Variants in CHLSN observed in about 807,000 individuals in gnomAD.
The protein encoded by CHLSN is cholesin, also known as protein cholesin.
the CHLSN span, among the ~76,000 whole-genome samples, chr7:1,100,496 C>A: frequency 6.6e-6 from 1 of 152,340 alleles, no homozygotes; most frequent in East Asian, 1.9e-4. Context: ...TCTGTCTGAG[C>A]CTGGGGAGGA....
At chr7:1,113,844 C>T in the CHLSN span, among the ~76,000 whole-genome samples, 1 of 152,168 alleles carries the variant, frequency 6.6e-6, no homozygotes, top group Admixed American at 6.5e-5. Context: ...CTTCGAGGGG[C>T]AAAGGGGCTC....
chr7:1,005,443 G>A, the CHLSN span, among the ~76,000 whole-genome samples: 2 of 152,234 alleles, frequency 1.3e-5, no homozygotes, highest in Non-Finnish European at 2.9e-5. Context: ...ACTGCCAGCC[G>A]CGGTGAGCTG....
chr7:985,384 G>A, the CHLSN span: 1 of 1,517,238 alleles, frequency 6.6e-7, no homozygotes, highest in African/African-American at 1.4e-5. Flanking sequence ...GCGTGCAGCA[G>A]GAGGACGGGG....
chr7:984,856 C>A, the CHLSN span: 1 of 1,471,726 alleles, frequency 6.8e-7, no homozygotes, highest in South Asian at 1.3e-5. Context: ...GCCAGTCTCG[C>A]TGCCCTGTCA....
the CHLSN span, chr7:985,309 T>A: frequency 6.4e-7 from 1 of 1,550,640 alleles, no homozygotes; most frequent in Non-Finnish European, 8.7e-7. Context: ...CCTCTTGGGG[T>A]CCCCTGGCCT....
At chr7:1,017,768 T>C in the CHLSN span, among the ~76,000 whole-genome samples, 1 of 152,072 alleles carries the variant, frequency 6.6e-6, no homozygotes, top group Non-Finnish European at 1.5e-5. Context: ...AAGGGGCAGC[T>C]GCGGACGGCA....
At chr7:1,124,559 C>T in the CHLSN span, among the ~76,000 whole-genome samples, 1 of 50,904 alleles carries the variant, frequency 2.0e-5, no homozygotes, top group Non-Finnish European at 3.2e-5. Flanking sequence ...AAGAGGCAGT[C>T]GGGGGGTGGG....
chr7:1,088,687 C>T, the CHLSN span, among the ~76,000 whole-genome samples: 9 of 152,154 alleles, frequency 5.9e-5, no homozygotes, highest in African/African-American at 2.2e-4. This position sits in a 1 kb window ranked among gnomAD's most constrained non-coding sequence, Gnocchi z 4.5. Context: ...ACCCTGAAGC[C>T]CTGGGAGGGC....
the CHLSN span, among the ~76,000 whole-genome samples, chr7:998,457 CTTTTT>C: frequency 3.2e-5 from 3 of 95,024 alleles, no homozygotes; most frequent in African/African-American, 3.9e-5. Context: ...GTCTTAGATT[CTTTTT>C]TTTTTTTTTT....
the CHLSN span, chr7:1,109,409 G>A: frequency 1.3e-5 from 2 of 152,322 alleles, no homozygotes; most frequent in Admixed American, 1.3e-4. Flanking sequence ...AGATCACCTT[G>A]GGAATCCAGC....
the CHLSN span, among the ~76,000 whole-genome samples, chr7:999,866 G>T: frequency 2.6e-3 from 396 of 152,356 alleles, 2 homozygotes; most frequent in African/African-American, 8.9e-3. Context: ...CCAGCCCGCC[G>T]CCCAGCAGCC....
the CHLSN span, among the ~76,000 whole-genome samples, chr7:1,008,847 A>G: frequency 8.5e-6 from 1 of 117,450 alleles, no homozygotes; most frequent in Non-Finnish European, 2.0e-5. Flanking sequence ...ACACACGCAC[A>G]CACGTAAACA....
At chr7:987,596 G>T in the CHLSN span, 1 of 1,401,800 alleles carries the variant, frequency 7.1e-7, no homozygotes, top group Non-Finnish European at 9.4e-7. Flanking sequence ...GGGTCCAGGG[G>T]CACTGGGACG....
At chr7:979,545 A>C in the CHLSN span, among the ~76,000 whole-genome samples, 5,859 of 152,128 alleles carry the variant, frequency 0.039, 162 homozygotes, top group South Asian at 0.063. Context: ...TGAGGTTAGG[A>C]GTTCAAGACC....
At chr7:1,093,483 C>G in the CHLSN span, 3 of 469,740 alleles carry the variant, frequency 6.4e-6, no homozygotes, top group Non-Finnish European at 8.8e-6. Flanking sequence ...ACCAGGCCCA[C>G]GAGGAGCAGC....
the CHLSN span, among the ~76,000 whole-genome samples, chr7:1,040,191 A>AAAAAAAT: frequency 8.7e-6 from 1 of 114,790 alleles, no homozygotes; most frequent in African/African-American, 2.8e-5. Flanking sequence ...TTTAAAAAAA[A>AAAAAAAT]AAAAAAAAAA....
At chr7:998,921 G>A in the CHLSN span, among the ~76,000 whole-genome samples, 3 of 152,196 alleles carry the variant, frequency 2.0e-5, no homozygotes, top group Admixed American at 6.5e-5. Flanking sequence ...TCCATTTTGA[G>A]TTAATTTTTG....
chr7:1,062,941 A>C, the CHLSN span, among the ~76,000 whole-genome samples: 1 of 151,628 alleles, frequency 6.6e-6, no homozygotes, highest in Admixed American at 6.6e-5. Context: ...CCTATTCCTA[A>C]CCCCCTAACC....
At chr7:1,121,806 G>A in the CHLSN span, among the ~76,000 whole-genome samples, 613 of 152,100 alleles carry the variant, frequency 4.0e-3, 3 homozygotes, top group African/African-American at 0.014. Context: ...CTCACACAGG[G>A]CAGCATGCTG....
Sources: gnomAD v4.1 joint callset for allele counts (sites outside exome capture counted in the v4.1 genomes callset) on GRCh38, gnomAD v4.1.1 for gene constraint, Gnocchi (gnomAD v3.1) non-coding constraint, MANE v1.5 for transcripts, NCBI Gene and HGNC (gene_info 2026-07-23, HGNC 2026-07-21) for gene names.